The following SUPT3H variants were observed in gnomAD, a reference collection of about 807,000 sequenced individuals.
The protein encoded by SUPT3H is SPT3 homolog, SAGA and STAGA complex component.
Under a neutral mutation model 44.3 loss-of-function variants are expected in SUPT3H, and 44 were observed. The ratio of observed to expected loss-of-function variants is 0.99; its 90% confidence interval spans 0.78 to 1.28. SUPT3H has a LOEUF of 1.28. SUPT3H is among the 50% of genes most tolerant of loss of function. The pLI is 0.00. For synonymous variants in SUPT3H, 124 were observed against 125.6 expected (o/e 0.99, Z 0.09); for missense variants, 380 against 387.1 (o/e 0.98, Z 0.15).
chr6:44,903,100 C>G (rs1765376513), intron 10 of SUPT3H, among the ~76,000 whole-genome samples: 1 of 152,068 alleles, frequency 6.6e-6, no homozygotes, highest in African/African-American at 2.4e-5. Context: ...AACTGACACC[C>G]TAACATCACA....
At chr6:45,036,957 G>A (rs900988827) in intron 3 of SUPT3H, among the ~76,000 whole-genome samples, 3 of 152,094 alleles carry the variant, frequency 2.0e-5, no homozygotes, top group African/African-American at 7.2e-5. Flanking sequence ...AAAGCAAGCA[G>A]ACAGAAGAAT....
In SUPT3H at chr6:44,882,165, A is replaced by C. The variant is rs574133240; in HGVS notation, c.912+50488T>G. Among the ~76,000 whole-genome samples, 8 of 152,340 alleles carry C rather than the reference A, an allele frequency of 5.3e-5. 1 individual carries two copies. In the South Asian group the frequency reaches 1.7e-3, roughly 32 times the overall value. ...AGACTAATAAAGAATAAAAGACAGA[A>C]GAATCAAATAGACACAATAAAAAAT... On this transcript the variant is annotated intron_variant, in intron 10 of 10. Transcript: ENST00000371459.
chr6:44,899,839 G>C (rs1410744536), intron 10 of SUPT3H, among the ~76,000 whole-genome samples: 1 of 152,090 alleles, frequency 6.6e-6, no homozygotes, highest in African/African-American at 2.4e-5. Context: ...ATGTACTCTG[G>C]AGGTTGATCC....
At chr6:45,199,007 T>A (rs1275993964) in intron 2 of SUPT3H, among the ~76,000 whole-genome samples, 1 of 151,334 alleles carries the variant, frequency 6.6e-6, no homozygotes, top group Non-Finnish European at 1.5e-5. Flanking sequence ...TTATAACATT[T>A]TAAAATCTTA....
At chr6:45,241,575 G>A (rs765043743) in intron 2 of SUPT3H, among the ~76,000 whole-genome samples, 16 of 152,084 alleles carry the variant, frequency 1.1e-4, no homozygotes, top group South Asian at 4.2e-4. Context: ...ATCTCTGTTC[G>A]GGGCTCTCAG....
intron 2 of SUPT3H, among the ~76,000 whole-genome samples, chr6:45,299,622 A>T (rs539389217): frequency 6.6e-6 from 1 of 152,036 alleles, no homozygotes; most frequent in Non-Finnish European, 1.5e-5. Context: ...TCAGAAAACA[A>T]ATTTTAATGG....
intron 3 of SUPT3H, among the ~76,000 whole-genome samples, chr6:45,038,145 TA>T: frequency 6.6e-6 from 1 of 152,058 alleles, no homozygotes; most frequent in Non-Finnish European, 1.5e-5. Context: ...TTAAAAAGAA[TA>T]AAAACACCCT....
intron 2 of SUPT3H, among the ~76,000 whole-genome samples, chr6:45,359,555 G>A (rs1379194317): frequency 6.6e-6 from 1 of 152,058 alleles, no homozygotes; most frequent in East Asian, 1.9e-4. Flanking sequence ...AAGTAGGATA[G>A]ACATTTAAAT....
In SUPT3H at chr6:45,020,630, T is replaced by A; in HGVS notation, c.189A>T (p.Leu63Phe). The change falls in exon 4 of 11, where the codon TTA becomes TTT. Residue 63 changes from leucine to phenylalanine, a missense_variant and splice_region_variant. Coordinates refer to ENST00000371459, the MANE Select transcript of SUPT3H (RefSeq NM_003599.4). The part of the protein sequence containing the change: ...DVVHTQLINL[L>F]QQAAEVSQLR... Reference sequence around the variant, plus strand: ...GCTGAGAAACTTCAGCAGCTTGCTGTAACTAACAATAATGAAAATTTAGAA... The same window carrying A: ...GCTGAGAAACTTCAGCAGCTTGCTGAAACTAACAATAATGAAAATTTAGAA... 6.2e-7 allele frequency: 1 copy of A among 1,608,626 alleles called. No homozygotes were observed. Among genetic ancestry groups the A allele is most frequent in the South Asian group, 1.1e-5 (1 of 90,324 alleles).
intron 2 of SUPT3H, chr6:45,323,048 T>A: frequency 1.2e-6 from 1 of 844,870 alleles, no homozygotes; most frequent in Non-Finnish European, 1.8e-6. Context: ...TATTCATGTT[T>A]AAATTATGAG....
chr6:45,369,258 TAC>T (rs1024954265), intron 1 of SUPT3H, among the ~76,000 whole-genome samples: 7 of 151,984 alleles, frequency 4.6e-5, no homozygotes, highest in Non-Finnish European at 1.0e-4. Context: ...CCTTTACCCC[TAC>T]AGTTCTCTCT....
intron 2 of SUPT3H, among the ~76,000 whole-genome samples, chr6:45,306,462 C>A (rs1030318678): frequency 2.6e-5 from 4 of 152,150 alleles, no homozygotes; most frequent in Non-Finnish European, 5.9e-5. Context: ...CCAGCTTGAA[C>A]CCTCACTGGT....
intron 2 of SUPT3H, among the ~76,000 whole-genome samples, chr6:45,326,159 G>C (rs1214379077): frequency 1.3e-5 from 2 of 151,852 alleles, no homozygotes; most frequent in Non-Finnish European, 2.9e-5. Flanking sequence ...TTTACATAAA[G>C]AAGATTTTAA....
chr6:44,855,240 TGACGG>T (rs1773534234), intron 10 of SUPT3H, among the ~76,000 whole-genome samples: 1 of 152,318 alleles, frequency 6.6e-6, no homozygotes, highest in South Asian at 2.1e-4. Context: ...AGGGAGGTGC[TGACGG>T]GCTTGAGTCC....
At chr6:45,271,679 C>T (rs1776188169) in intron 2 of SUPT3H, among the ~76,000 whole-genome samples, 1 of 151,044 alleles carries the variant, frequency 6.6e-6, no homozygotes, top group South Asian at 2.1e-4. Flanking sequence ...ACACAGAGTA[C>T]CTACTGCGGC....
Position 45,317,227 on chromosome 6 carries a change from C to CAAAAAAA in SUPT3H, c.101+47967_101+47973dup, listed in dbSNP as rs70996324. 1.2e-3 allele frequency among the ~76,000 whole-genome samples: 45 copies of CAAAAAAA among 36,078 alleles called. 2 individuals are homozygous for CAAAAAAA. Among genetic ancestry groups the CAAAAAAA allele is most frequent in the East Asian group, 4.5e-3 (5 of 1,114 alleles). 23.7% of individuals were successfully genotyped at this position (36,078 alleles called of 152,430 possible). ...TGGGTAACAGAGGAAGACTCTGTCT[C>CAAAAAAA]AAAAAAAAAAAAAAAAAAAAAAAAA... On this transcript the variant is annotated intron_variant, in intron 2 of 10. Transcript: ENST00000371459.
At chr6:45,162,404 G>T (rs960421125) in intron 2 of SUPT3H, among the ~76,000 whole-genome samples, 4 of 152,002 alleles carry the variant, frequency 2.6e-5, no homozygotes, top group African/African-American at 9.7e-5. Flanking sequence ...TGCACCTATA[G>T]TCCCAGCTAC....
chr6:45,003,785 C>G lies in SUPT3H; in HGVS notation c.372G>C (p.Leu124Phe). 6.2e-7 allele frequency: 1 copy of G among 1,613,440 alleles called. No individual in the cohort carries two copies. The highest frequency in any genetic ancestry group is 8.5e-7 in the Non-Finnish European group (1 of 1,179,684). ...IDEDDLLEDK[L>F]SGSNNANKRQ... ...TTTTGTTCGCATTATTGCTGCCACT[C>G]AATTTGTCTTCATGAAGTCAAGGGA... The change falls in exon 6 of 11, where the codon TTG becomes TTC. Residue 124 changes from leucine (L) to phenylalanine (F), a missense_variant. Transcript: ENST00000371459.
intron 2 of SUPT3H, among the ~76,000 whole-genome samples, chr6:45,273,672 T>A (rs1776569466): frequency 6.6e-6 from 1 of 152,198 alleles, no homozygotes; most frequent in African/African-American, 2.4e-5. Context: ...AATAACAATA[T>A]TTAATTGTAT....
Sources: gnomAD v4.1 joint callset for allele counts (sites outside exome capture counted in the v4.1 genomes callset) on GRCh38, gnomAD v4.1.1 for gene constraint, MANE v1.5 for transcripts, NCBI Gene and HGNC (gene_info 2026-07-23, HGNC 2026-07-21) for gene names.